Variants in CDKAL1 observed in about 807,000 individuals in gnomAD.
CDKAL1 encodes the protein threonylcarbamoyladenosine tRNA methylthiotransferase.
A neutral mutation model predicts 68.2 loss-of-function variants in CDKAL1; 32 were observed. The observed-to-expected ratio is 0.47, with a 90% CI of 0.35 to 0.63. CDKAL1 has a LOEUF of 0.63. Among genes scored for constraint, CDKAL1 ranks in the 30% least tolerant of loss-of-function variants. CDKAL1 has a pLI of 0.00. For synonymous variants in CDKAL1, 234 were observed against 244.3 expected (o/e 0.96, Z 0.39); for missense variants, 606 against 696.7 (o/e 0.87, Z 1.47).
At chr6:20,618,136 G>C (rs1158859463) in intron 4 of CDKAL1, among the ~76,000 whole-genome samples, 2 of 152,124 alleles carry the variant, frequency 1.3e-5, no homozygotes, top group African/African-American at 4.8e-5. Context: ...GTATCTCCTT[G>C]TGGTTTTGAT....
rs1581949391 is a variant in CDKAL1, at chr6:20,977,727, G to A, written c.909+22142G>A. Among the ~76,000 whole-genome samples, 4 of 152,138 alleles carry A rather than the reference G, an allele frequency of 2.6e-5. No homozygotes were observed. In the East Asian group the frequency reaches 7.7e-4, roughly 29 times the overall value. ...ATCCCATCTCTACAAAAAATACAAA[G>A]ATTAGCTGGACGTGGTGATGCACAT... is the stretch of plus-strand genomic sequence containing the variant. On this transcript the variant is annotated intron_variant, in intron 10 of 15. Coordinates refer to ENST00000274695, the MANE Select transcript of CDKAL1 (RefSeq NM_017774.3).
intron 9 of CDKAL1, among the ~76,000 whole-genome samples, chr6:20,939,795 A>G (rs865917181): frequency 6.6e-5 from 10 of 152,290 alleles, no homozygotes; most frequent in Middle Eastern, 3.4e-3. Flanking sequence ...TTTTTCCTAA[A>G]CAAGAAAAGT....
At chr6:21,223,484 G>A (rs138679066) in intron 15 of CDKAL1, among the ~76,000 whole-genome samples, 5 of 152,172 alleles carry the variant, frequency 3.3e-5, no homozygotes, top group Admixed American at 6.5e-5. Context: ...TGCCTTTCTC[G>A]CTGAATCCTT....
At chr6:20,987,091 T>G (rs1049512733) in intron 10 of CDKAL1, among the ~76,000 whole-genome samples, 2 of 152,182 alleles carry the variant, frequency 1.3e-5, no homozygotes, top group Admixed American at 6.5e-5. Context: ...TTGGTTTAAC[T>G]TCACTGACTC....
chr6:21,211,591 C>T (rs1373226743), intron 15 of CDKAL1, among the ~76,000 whole-genome samples: 2 of 152,176 alleles, frequency 1.3e-5, no homozygotes, highest in Admixed American at 6.5e-5. Context: ...TTTACTGCCT[C>T]AGCACAGGAG....
chr6:20,750,718 C>A, intron 6 of CDKAL1, among the ~76,000 whole-genome samples: 1 of 152,028 alleles, frequency 6.6e-6, no homozygotes, highest in East Asian at 1.9e-4. Flanking sequence ...AATCCCAGCA[C>A]TTTGGGAGGC....
At chr6:21,026,980 C>G (rs560201376) in intron 11 of CDKAL1, among the ~76,000 whole-genome samples, 23 of 152,148 alleles carry the variant, frequency 1.5e-4, no homozygotes, top group Non-Finnish European at 3.1e-4. Flanking sequence ...TTCTTATTCT[C>G]TAATCTTCTG....
intron 13 of CDKAL1, among the ~76,000 whole-genome samples, chr6:21,173,864 G>A (rs942173515): frequency 6.6e-5 from 10 of 152,176 alleles, no homozygotes; most frequent in African/African-American, 2.4e-4. Flanking sequence ...GAGGACAGGA[G>A]TTCAAGACCA....
chr6:21,072,287 A>C (rs1771818626), intron 12 of CDKAL1, among the ~76,000 whole-genome samples: 2 of 152,178 alleles, frequency 1.3e-5, no homozygotes, highest in Admixed American at 6.5e-5. Flanking sequence ...CCAAATATTG[A>C]GCTGTCCTCC....
intron 12 of CDKAL1, among the ~76,000 whole-genome samples, chr6:21,080,844 G>A (rs1197318291): frequency 1.3e-5 from 2 of 152,156 alleles, no homozygotes; most frequent in Admixed American, 6.5e-5. Flanking sequence ...AAGATAAGAA[G>A]AAAACCCACA....
intron 5 of CDKAL1, among the ~76,000 whole-genome samples, chr6:20,686,689 C>A (rs1051796105): frequency 6.6e-6 from 1 of 152,110 alleles, no homozygotes; most frequent in Non-Finnish European, 1.5e-5. Flanking sequence ...CGTGCCAAAA[C>A]GGTTGGGGGC....
chr6:21,192,805 A>C (rs910045229), intron 13 of CDKAL1, among the ~76,000 whole-genome samples: 4 of 145,562 alleles, frequency 2.7e-5, no homozygotes, highest in Non-Finnish European at 6.0e-5. Context: ...CTTTGTTGAG[A>C]GTTCCTTTTT....
intron 8 of CDKAL1, among the ~76,000 whole-genome samples, chr6:20,818,598 A>C (rs1306924187): frequency 1.3e-5 from 2 of 151,978 alleles, no homozygotes; most frequent in East Asian, 3.9e-4. Flanking sequence ...ATAGTTGCCC[A>C]GTTGGGACAT....
At chr6:20,665,421 A>G (rs960142799) in intron 5 of CDKAL1, among the ~76,000 whole-genome samples, 1 of 152,270 alleles carries the variant, frequency 6.6e-6, no homozygotes, top group East Asian at 1.9e-4. Flanking sequence ...AATGGCCTGT[A>G]TACAGAATTA....
At chr6:20,672,126 C>CTCCCT (rs1345518494) in intron 5 of CDKAL1, among the ~76,000 whole-genome samples, 16 of 151,846 alleles carry the variant, frequency 1.1e-4, no homozygotes, top group Non-Finnish European at 1.8e-4. Flanking sequence ...TGTAGTCTGT[C>CTCCCT]TCCCTTCCCT....
At chr6:20,984,651 G>A (rs2150781486) in intron 10 of CDKAL1, among the ~76,000 whole-genome samples, 1 of 151,204 alleles carries the variant, frequency 6.6e-6, no homozygotes, top group East Asian at 1.9e-4. Flanking sequence ...GAGCTGAAAA[G>A]GGGACGGATT....
intron 9 of CDKAL1, among the ~76,000 whole-genome samples, chr6:20,861,077 G>A (rs550757820): frequency 1.1e-4 from 16 of 152,150 alleles, no homozygotes; most frequent in Admixed American, 5.2e-4. Flanking sequence ...ATGGGGGTAG[G>A]AGTAGTAGCC....
chr6:20,933,290 T>G (rs533218917), intron 9 of CDKAL1, among the ~76,000 whole-genome samples: 4 of 152,382 alleles, frequency 2.6e-5, no homozygotes, highest in African/African-American at 9.6e-5. Flanking sequence ...GTTTCAAAGG[T>G]CTTTCCTTCT....
At chr6:21,149,393 G>A (rs1217291490) in intron 13 of CDKAL1, among the ~76,000 whole-genome samples, 4 of 152,176 alleles carry the variant, frequency 2.6e-5, no homozygotes, top group South Asian at 2.1e-4. Context: ...TAATTTGCCC[G>A]CCTCGGCCTC....
Sources: allele counts gnomAD v4.1 joint callset (sites outside exome capture counted in the v4.1 genomes callset), GRCh38; gene constraint gnomAD v4.1.1; transcripts MANE v1.5; gene names NCBI Gene and HGNC (gene_info 2026-07-23, HGNC 2026-07-21).